Variants in CCSER1 observed in about 807,000 individuals in gnomAD.
The protein encoded by CCSER1 is serine-rich coiled-coil domain-containing protein 1.
Under a neutral mutation model 82.0 loss-of-function variants are expected in CCSER1, and 41 were observed. The ratio of observed to expected loss-of-function variants is 0.50; its 90% confidence interval spans 0.39 to 0.65. The LOEUF is 0.65. Among genes scored for constraint, CCSER1 ranks in the 30% least tolerant of loss-of-function variants. The pLI, the probability that CCSER1 is intolerant of heterozygous loss-of-function variation, is 0.00. For synonymous variants in CCSER1, 414 were observed against 383.9 expected (o/e 1.08, Z -0.92); for missense variants, 1,119 against 1,064.2 (o/e 1.05, Z -0.72).
intron 4 of CCSER1, among the ~76,000 whole-genome samples, chr4:90,440,007 A>AT (rs539683871): frequency 2.4e-4 from 35 of 147,376 alleles, no homozygotes; most frequent in African/African-American, 4.7e-4. Flanking sequence ...TTGTTATTTT[A>AT]TTTTTTTTTT....
intron 10 of CCSER1, among the ~76,000 whole-genome samples, chr4:91,504,281 A>G (rs1759371169): frequency 6.6e-6 from 1 of 152,190 alleles, no homozygotes; most frequent in Non-Finnish European, 1.5e-5. Context: ...TTTATTAACT[A>G]TGCTGTAAAA....
At chr4:91,468,043 A>C (rs572802795) in intron 10 of CCSER1, among the ~76,000 whole-genome samples, 3 of 152,328 alleles carry the variant, frequency 2.0e-5, no homozygotes, top group Admixed American at 6.5e-5. Context: ...CTATAAAGAC[A>C]CATACACACA....
intron 10 of CCSER1, among the ~76,000 whole-genome samples, chr4:91,396,612 A>T (rs1751994446): frequency 6.6e-6 from 1 of 152,028 alleles, no homozygotes; most frequent in East Asian, 1.9e-4. Context: ...TATTGTCATA[A>T]TTGAAGTTGC....
At chr4:90,937,532 G>A (rs868437866) in intron 9 of CCSER1, among the ~76,000 whole-genome samples, 5 of 139,266 alleles carry the variant, frequency 3.6e-5, no homozygotes, top group Admixed American at 1.5e-4. Context: ...GGCTCAATAA[G>A]GCATATAGGG....
At chr4:91,449,699 T>TTTA (rs1755767600) in intron 10 of CCSER1, among the ~76,000 whole-genome samples, 1 of 152,046 alleles carries the variant, frequency 6.6e-6, no homozygotes, top group Non-Finnish European at 1.5e-5. Flanking sequence ...CTTAAAATTA[T>TTTA]TTATTTAAAT....
intron 7 of CCSER1, among the ~76,000 whole-genome samples, chr4:90,805,034 T>C (rs970773060): frequency 6.6e-6 from 1 of 152,038 alleles, no homozygotes; most frequent in African/African-American, 2.4e-5. Flanking sequence ...ATTTACTGTA[T>C]GCATTTTTAC....
chr4:90,939,543 A>G (rs1357019178), intron 9 of CCSER1, among the ~76,000 whole-genome samples: 2 of 152,180 alleles, frequency 1.3e-5, no homozygotes, highest in African/African-American at 4.8e-5. Flanking sequence ...TAGACAGCCC[A>G]AAAGAATGGC....
At chr4:91,072,393 T>C (rs1721530584) in intron 9 of CCSER1, among the ~76,000 whole-genome samples, 3 of 152,062 alleles carry the variant, frequency 2.0e-5, no homozygotes, top group Admixed American at 1.3e-4. Flanking sequence ...CTTAACTTTT[T>C]TTCCCCACAG....
At chr4:91,264,324 T>A (rs182337214) in intron 10 of CCSER1, among the ~76,000 whole-genome samples, 7 of 151,802 alleles carry the variant, frequency 4.6e-5, no homozygotes, top group Non-Finnish European at 5.9e-5. Flanking sequence ...AATAAAAAAA[T>A]CATGGTTGTA....
intron 9 of CCSER1, among the ~76,000 whole-genome samples, chr4:91,017,574 C>T (rs1319281661): frequency 2.6e-5 from 4 of 151,988 alleles, no homozygotes; most frequent in Non-Finnish European, 2.9e-5. Context: ...TTGAATATGT[C>T]AGAGTTTATA....
At chr4:91,449,287 C>A (rs1339580024) in intron 10 of CCSER1, among the ~76,000 whole-genome samples, 1 of 151,766 alleles carries the variant, frequency 6.6e-6, no homozygotes. Flanking sequence ...TAGGGTTGGT[C>A]TATGATAAAG....
intron 10 of CCSER1, among the ~76,000 whole-genome samples, chr4:91,185,358 A>T (rs918598161): frequency 6.6e-6 from 1 of 152,146 alleles, no homozygotes; most frequent in African/African-American, 2.4e-5. Context: ...TGAATCAATG[A>T]CTCCTGTATG....
intron 7 of CCSER1, among the ~76,000 whole-genome samples, chr4:90,795,463 C>G (rs7438052): frequency 1.3e-5 from 2 of 151,896 alleles, no homozygotes; most frequent in African/African-American, 2.4e-5. Context: ...GACATCCTAT[C>G]TTCCTATTCG....
At chr4:90,775,101 C>T (rs1181304067) in intron 7 of CCSER1, among the ~76,000 whole-genome samples, 1 of 152,058 alleles carries the variant, frequency 6.6e-6, no homozygotes, top group African/African-American at 2.4e-5. Context: ...AAAAATGATT[C>T]ATTGTAACAT....
At chr4:91,249,855 A>G (rs949525441) in intron 10 of CCSER1, among the ~76,000 whole-genome samples, 2 of 151,976 alleles carry the variant, frequency 1.3e-5, no homozygotes, top group Non-Finnish European at 2.9e-5. Context: ...GAGGGCAGAG[A>G]TCATTTCCTA....
At chr4:91,555,867 C>A (rs1266992030) in intron 10 of CCSER1, among the ~76,000 whole-genome samples, 3 of 151,160 alleles carry the variant, frequency 2.0e-5, no homozygotes. Context: ...TTAATCCTTA[C>A]AGCATCCCCA....
At chr4:90,670,089 A>C (rs1383874831) in intron 6 of CCSER1, among the ~76,000 whole-genome samples, 1 of 152,142 alleles carries the variant, frequency 6.6e-6, no homozygotes, top group African/African-American at 2.4e-5. Context: ...TCATGTCTTA[A>C]TTTAAGAAGA....
chr4:90,364,945 G>A (rs1341202352), intron 3 of CCSER1, among the ~76,000 whole-genome samples: 6 of 151,672 alleles, frequency 4.0e-5, no homozygotes, highest in African/African-American at 1.5e-4. Flanking sequence ...GTATTTCATG[G>A]TGTGATAAAG....
At chr4:90,418,081 G>A (rs1297621634) in intron 4 of CCSER1, among the ~76,000 whole-genome samples, 1 of 152,070 alleles carries the variant, frequency 6.6e-6, no homozygotes. Flanking sequence ...CCACCAGCCA[G>A]GCTATGTAAA....
Sources: gnomAD v4.1 joint callset for allele counts (sites outside exome capture counted in the v4.1 genomes callset) on GRCh38, gnomAD v4.1.1 for gene constraint, MANE v1.5 for transcripts, NCBI Gene and HGNC (gene_info 2026-07-23, HGNC 2026-07-21) for gene names.